Variants in MSRA observed in about 807,000 individuals in gnomAD.
MSRA encodes methionine sulfoxide reductase A, also known as mitochondrial peptide methionine sulfoxide reductase.
In MSRA, 54 loss-of-function variants were observed where a neutral mutation model predicts 31.3. That is an observed-to-expected ratio of 1.73 (90% confidence interval 1.39 to 2.17). MSRA has a LOEUF of 2.17. Among genes scored for constraint, MSRA ranks in the 30% most tolerant of loss-of-function variants. The probability of loss-of-function intolerance (pLI) is 0.00; values close to 1 mark genes in which losing one functional copy is unlikely to be tolerated. For missense variants in MSRA, 507 were observed against 300.9 expected (o/e 1.69, Z -5.07); for synonymous variants, 169 against 116.5 (o/e 1.45, Z -2.90).
At position 10,303,420 on chromosome 8, in the gene MSRA, C is replaced by G. The variant is rs147204501; in HGVS notation, c.436+1782C>G. On this transcript the variant is annotated intron_variant, in intron 4 of 5. Transcript: ENST00000317173. ...GTTTGGGCTGGGAGAACTCACCTCT[C>G]TGTTCATCATTTGGCCTTCTATGGG... Among the ~76,000 whole-genome samples, 712 of 152,314 alleles carry G rather than the reference C, an allele frequency of 4.7e-3. 6 individuals are homozygous for G. Among genetic ancestry groups the G allele is most frequent in the African/African-American group, 0.016 (674 of 41,556 alleles).
intron 1 of MSRA, among the ~76,000 whole-genome samples, chr8:10,083,513 G>C (rs1252731223): frequency 3.3e-5 from 5 of 152,134 alleles, no homozygotes; most frequent in Admixed American, 1.3e-4. Context: ...TTTTTCTCCA[G>C]GGAAATAAGA....
intron 1 of MSRA, among the ~76,000 whole-genome samples, chr8:10,115,410 C>A (rs1450808571): frequency 6.6e-6 from 1 of 152,184 alleles, no homozygotes; most frequent in Non-Finnish European, 1.5e-5. Flanking sequence ...CCACTAGAAG[C>A]TGGAGGAGGC....
intron 5 of MSRA, among the ~76,000 whole-genome samples, chr8:10,424,170 G>A (rs1808986910): frequency 6.6e-6 from 1 of 152,228 alleles, no homozygotes; most frequent in Non-Finnish European, 1.5e-5. Context: ...GAGTTCCTGC[G>A]ATGGAAAAGA....
At chr8:10,147,285 A>G (rs930962145) in intron 1 of MSRA, among the ~76,000 whole-genome samples, 1 of 152,118 alleles carries the variant, frequency 6.6e-6, no homozygotes, top group Non-Finnish European at 1.5e-5. Context: ...CTGGAGCAAG[A>G]TGGGAATGTG....
chr8:10,143,115 A>G (rs1280752951), intron 1 of MSRA, among the ~76,000 whole-genome samples: 1 of 152,134 alleles, frequency 6.6e-6, no homozygotes, highest in Non-Finnish European at 1.5e-5. Flanking sequence ...TATCCAAAGA[A>G]TGGGATGAAA....
chr8:10,196,033 A>G (rs996818544), intron 1 of MSRA, among the ~76,000 whole-genome samples: 1 of 152,176 alleles, frequency 6.6e-6, no homozygotes. Flanking sequence ...CCGATCATTT[A>G]TCACTGTCAG....
intron 5 of MSRA, among the ~76,000 whole-genome samples, chr8:10,321,220 T>G (rs926648376): frequency 6.6e-6 from 1 of 152,232 alleles, no homozygotes; most frequent in Non-Finnish European, 1.5e-5. Context: ...TGTATTTTAT[T>G]TATCATTATA....
At chr8:10,179,370 C>T (rs1478888475) in intron 1 of MSRA, among the ~76,000 whole-genome samples, 2 of 152,188 alleles carry the variant, frequency 1.3e-5, no homozygotes, top group African/African-American at 4.8e-5. Context: ...GTGTCTTCAT[C>T]TTTCCAGTAA....
rs1236221087 is a variant in MSRA, at chr8:10,168,313, C to G, written c.143-39520C>G. 2.0e-4 allele frequency among the ~76,000 whole-genome samples: 30 copies of G among 152,136 alleles called. 1 individual carries two copies. Among genetic ancestry groups the G allele is most frequent in the Admixed American group, 1.9e-3 (29 of 15,274 alleles). On this transcript the variant is annotated intron_variant, in intron 1 of 5. Coordinates refer to ENST00000317173, the MANE Select transcript of MSRA (RefSeq NM_012331.5). ...TATGTGGAATTCCCAGTCTTCTAAA[C>G]AGTATCTCTCTCTATAGATGACTGT...
chr8:10,237,910 C>G (rs915757688), intron 2 of MSRA, among the ~76,000 whole-genome samples: 1 of 152,198 alleles, frequency 6.6e-6, no homozygotes, highest in East Asian at 1.9e-4. Context: ...TGCATCTGTG[C>G]TTGGTTCACT....
chr8:10,420,571 A>C (rs896869119), intron 5 of MSRA, among the ~76,000 whole-genome samples: 1 of 152,164 alleles, frequency 6.6e-6, no homozygotes, highest in African/African-American at 2.4e-5. Context: ...TTACACAGCT[A>C]GGATGATGCG....
intron 4 of MSRA, among the ~76,000 whole-genome samples, chr8:10,302,617 T>G (rs991868898): frequency 2.6e-5 from 4 of 152,210 alleles, no homozygotes; most frequent in Non-Finnish European, 5.9e-5. Flanking sequence ...CATCCCATTC[T>G]AGGGCTTTTT....
chr8:10,404,533 G>A (rs1807677109), intron 5 of MSRA, among the ~76,000 whole-genome samples: 1 of 152,194 alleles, frequency 6.6e-6, no homozygotes. Context: ...GGCCATCCCG[G>A]GCGGCCGCTC....
intron 1 of MSRA, among the ~76,000 whole-genome samples, chr8:10,123,275 C>T (rs1181414142): frequency 1.3e-5 from 2 of 152,164 alleles, no homozygotes; most frequent in Non-Finnish European, 2.9e-5. Context: ...CTCTAATGAT[C>T]AGAGATGTTG....
intron 1 of MSRA, among the ~76,000 whole-genome samples, chr8:10,199,423 G>T (rs1322692906): frequency 6.6e-6 from 1 of 152,148 alleles, no homozygotes; most frequent in Non-Finnish European, 1.5e-5. Context: ...GGGTTCAAGT[G>T]ATTCTCCTGC....
chr8:10,204,373 C>T (rs1163362780), intron 1 of MSRA, among the ~76,000 whole-genome samples: 1 of 152,220 alleles, frequency 6.6e-6, no homozygotes, highest in African/African-American at 2.4e-5. Flanking sequence ...GAGCAGCTTC[C>T]AGTCCTGCAA....
chr8:10,422,686 G>A (rs1293304847), intron 5 of MSRA, among the ~76,000 whole-genome samples: 1 of 152,196 alleles, frequency 6.6e-6, no homozygotes, highest in East Asian at 1.9e-4. Flanking sequence ...TTCCTCCCCT[G>A]AAGTGGAACG....
intron 2 of MSRA, among the ~76,000 whole-genome samples, chr8:10,227,447 T>G (rs1249324065): frequency 6.6e-6 from 1 of 152,148 alleles, no homozygotes; most frequent in African/African-American, 2.4e-5. Context: ...TGCTGTAATA[T>G]GAAAGGGGTT....
At chr8:10,128,863 A>G (rs966079633) in intron 1 of MSRA, among the ~76,000 whole-genome samples, 1 of 152,218 alleles carries the variant, frequency 6.6e-6, no homozygotes. Flanking sequence ...ATGAATCATC[A>G]AAAGCTTGTT....
Sources: gnomAD v4.1 joint callset for allele counts (sites outside exome capture counted in the v4.1 genomes callset) on GRCh38, gnomAD v4.1.1 for gene constraint, MANE v1.5 for transcripts, NCBI Gene and HGNC (gene_info 2026-07-23, HGNC 2026-07-21) for gene names.